Variants in BCORL1 observed in about 807,000 individuals in gnomAD.
BCORL1 encodes the protein BCL6 corepressor like 1.
In BCORL1, 7 loss-of-function variants were observed where a neutral mutation model predicts 87.6. The ratio of observed to expected loss-of-function variants is 0.08; its 90% CI spans 0.05 to 0.15. The LOEUF is 0.15. BCORL1 is among the 10% of genes least tolerant of loss of function. BCORL1 has a pLI of 1.00. For missense variants in BCORL1, 1,215 were observed against 1,499.7 expected (o/e 0.81, Z 3.13); for synonymous variants, 591 against 634.4 (o/e 0.93, Z 1.03).
At chrX:130,005,831 G>T (rs1370347329) in intron 2 of BCORL1, among the ~76,000 whole-genome samples, 1 of 108,087 alleles carries the variant, frequency 9.3e-6, no homozygotes, top group Non-Finnish European at 1.9e-5. Context: ...TCGCCATGTG[G>T]CCCGGGCTGG....
Position 129,983,155 on chromosome X carries a change from G to A in BCORL1, c.-45+393G>A, listed in dbSNP as rs765349098. On this transcript the variant is annotated intron_variant, in intron 1 of 13. Transcript: ENST00000540052. Reference sequence around the variant, plus strand: ...ACCTTCGTACCCCATCCCCTGACTTGCCCTACCCCCTTCTCGACCCCCTTC... The same window carrying A: ...ACCTTCGTACCCCATCCCCTGACTTACCCTACCCCCTTCTCGACCCCCTTC... Among the ~76,000 whole-genome samples, 45 of 109,648 alleles carry A rather than the reference G, an allele frequency of 4.1e-4. 1 individual carries two copies. The highest frequency in any genetic ancestry group is 2.0e-3 in the East Asian group (7 of 3,422).
At chrX:130,026,612 C>T (rs766939458) in intron 7 of BCORL1, among the ~76,000 whole-genome samples, 2 of 112,417 alleles carry the variant, frequency 1.8e-5, no homozygotes, top group South Asian at 3.7e-4. Context: ...AACATATTGG[C>T]GCTTGGAACC....
chrX:130,022,240 T>C (rs5977190), intron 5 of BCORL1, among the ~76,000 whole-genome samples: 41 of 64,934 alleles, frequency 6.3e-4, no homozygotes, highest in African/African-American at 2.5e-3. Context: ...TTCTTTCTTT[T>C]TTTTTTTTTT....
chrX:130,047,594 G>A (rs1931832897), intron 11 of BCORL1, among the ~76,000 whole-genome samples: 1 of 112,432 alleles, frequency 8.9e-6, no homozygotes, highest in Non-Finnish European at 1.9e-5. Flanking sequence ...AGTTCCCAGA[G>A]AGGAGCCCCA....
intron 1 of BCORL1, among the ~76,000 whole-genome samples, chrX:129,984,163 TGCTGCCGCCGCC>T (rs1569353446): frequency 3.2e-4 from 31 of 96,233 alleles, no homozygotes; most frequent in East Asian, 7.2e-4. Flanking sequence ...GGGGCGGCGC[TGCTGCCGCCGCC>T]GCTGCCGCCG....
At chrX:130,006,850 G>T (rs912665536) in intron 2 of BCORL1, among the ~76,000 whole-genome samples, 1 of 111,649 alleles carries the variant, frequency 9.0e-6, no homozygotes, top group Non-Finnish European at 1.9e-5. Context: ...GATTACAGGT[G>T]TGAGCCACTG....
rs1930812269 is a variant in BCORL1, at chrX:130,034,459, A to G, written c.4310A>G (p.Lys1437Arg). 1.0e-6 allele frequency: 1 copy of G among 980,440 alleles called. No homozygotes were observed. The highest frequency in any genetic ancestry group is 2.0e-5 in the African/African-American group (1 of 49,842). The allele number at this position is 980,440 out of a possible 1,213,427, so 80.8% of individuals were successfully genotyped here. ...GACTGCATCTCTGCTTTCCAGGGCA[A>G]AGGTCGTTGGAGCCAGCAGAAGACA... ...MATVSEEAKG[K>R]GRWSQQKTRS... is the part of the protein sequence containing the mutation. The change falls in exon 9 of 14, where the codon AAA (lysine) becomes AGA (arginine). Residue 1437 changes from lysine to arginine, a missense_variant. Physicochemically the swap from Lys to Arg is conservative, Grantham distance 26. This residue lies in a region of BCORL1 where 166 missense variants were observed against 196.5 expected (regional missense o/e 0.84). Transcript: ENST00000540052.
chrX:130,035,876 T>C (rs1044109017), intron 9 of BCORL1, among the ~76,000 whole-genome samples: 4 of 112,066 alleles, frequency 3.6e-5, no homozygotes, highest in Non-Finnish European at 5.6e-5. Context: ...TCTGCACTGG[T>C]GAGGAGGGTG....
intron 1 of BCORL1, among the ~76,000 whole-genome samples, chrX:130,002,618 G>A (rs554340675): frequency 1.3e-4 from 14 of 107,174 alleles, no homozygotes; most frequent in Admixed American, 8.1e-4. Flanking sequence ...AGGGAAATGG[G>A]GAAGGTGAGA....
At chrX:130,012,536 C>T in intron 2 of BCORL1, 42 bp from the exon 3 acceptor site, 2 of 1,137,164 alleles carry the variant, frequency 1.8e-6, no homozygotes, top group South Asian at 3.7e-5. Flanking sequence ...GGCTCAAATC[C>T]TGGGCCTCAT....
intron 4 of BCORL1, 24 bp from the exon 5 acceptor site, chrX:130,020,961 A>T (rs768537537): frequency 8.7e-7 from 1 of 1,142,999 alleles, no homozygotes; most frequent in South Asian, 2.1e-5. Flanking sequence ...CTGACCTCAG[A>T]CCTGACCCTC....
At chrX:130,027,354 C>T (rs781503898) in intron 7 of BCORL1, among the ~76,000 whole-genome samples, 4 of 112,828 alleles carry the variant, frequency 3.5e-5, no homozygotes, top group Non-Finnish European at 7.5e-5. Context: ...GGCTATGGGG[C>T]CCCACTAGCG....
Position 130,014,052 on chromosome X carries a change from C to T in BCORL1, c.1280C>T (p.Ala427Val), listed in dbSNP as rs776898786. 9 of 1,206,144 alleles carry T rather than the reference C, an allele frequency of 7.5e-6. No individual in the cohort carries two copies. The Admixed American group carries it at 2.0e-4, about 26-fold the overall frequency. The change falls in exon 4 of 14, where the codon GCA (alanine) becomes GTA (valine). Residue 427 changes from alanine to valine, a missense_variant. This residue lies in a region of BCORL1 where 861 missense variants were observed against 1,010.0 expected (regional missense o/e 0.85). Coordinates refer to ENST00000540052, the MANE Select transcript of BCORL1 (RefSeq NM_001379451.1). ...LSRVCFPAAQAPAMQKVPLSF... is the reference protein window; with the variant it reads ...LSRVCFPAAQVPAMQKVPLSF... ...AGAGTGTGCTTTCCTGCAGCTCAGG[C>T]ACCAGCTATGCAAAAAGTCCCCCTG...
At chrX:130,023,603 C>T (rs1374876900) in intron 6 of BCORL1, among the ~76,000 whole-genome samples, 1 of 112,179 alleles carries the variant, frequency 8.9e-6, no homozygotes, top group East Asian at 2.8e-4. Flanking sequence ...ATAGTGTAAA[C>T]TCAGTTATCT....
upstream of BCORL1, chrX:129,981,931 G>GC (rs1926135857): frequency 1.1e-5 from 1 of 92,252 alleles, no homozygotes; most frequent in African/African-American, 4.0e-5. Flanking sequence ...ACGGTGGGGG[G>GC]GGGAGCGGGA....
Position 130,056,084 on chromosome X carries a change from A to G in BCORL1, c.5306A>G (p.Asp1769Gly). ...ETVELVRYEP[D>G]LLRLLGSEVE... ...GTGGAGCTGGTGCGGTACGAGCCAG[A>G]CCTACTTCGGCTCCTAGGGTCCGAG... Residue 1769 changes from aspartate to glycine, a missense_variant, in exon 14 of 14, where the codon GAC (aspartate) becomes GGC (glycine). Asp to Gly is a moderately conservative substitution (Grantham distance 94). Coordinates refer to ENST00000540052, the MANE Select transcript of BCORL1 (RefSeq NM_001379451.1). The G allele has an allele frequency of 8.4e-7, 1 of 1,195,931 alleles. No individual in the cohort carries two copies. The highest frequency in any genetic ancestry group is 1.1e-6 in the Non-Finnish European group (1 of 886,147).
intron 7 of BCORL1, 128 bp downstream of exon 7, chrX:130,025,507 A>AG: frequency 1.6e-6 from 1 of 612,994 alleles, no homozygotes; most frequent in Non-Finnish European, 2.4e-6. Context: ...CAGCTGCCAG[A>AG]GGGGGTCACT....
chrX:130,003,812 T>C (rs947336730), intron 1 of BCORL1, among the ~76,000 whole-genome samples: 6 of 112,345 alleles, frequency 5.3e-5, no homozygotes, highest in Non-Finnish European at 1.1e-4. Flanking sequence ...GTTTCGTTAA[T>C]TGCTGAATCC....
At chrX:130,036,334 C>T (rs1236896897) in intron 9 of BCORL1, among the ~76,000 whole-genome samples, 1 of 109,510 alleles carries the variant, frequency 9.1e-6, no homozygotes, top group South Asian at 4.0e-4. Context: ...AATCTCGGCT[C>T]ACTGCAGCCT....
Sources: gnomAD v4.1 joint callset for allele counts (sites outside exome capture counted in the v4.1 genomes callset) on GRCh38, gnomAD v4.1.1 for gene constraint, gnomAD v4.1.1 regional missense constraint, MANE v1.5 for transcripts, NCBI Gene and HGNC (gene_info 2026-07-23, HGNC 2026-07-21) for gene names.